The following OBP2B variants were observed in gnomAD, a reference collection of about 807,000 sequenced individuals.
OBP2B encodes odorant binding protein 2B.
A neutral mutation model predicts 21.7 loss-of-function variants in OBP2B; 10 were observed. The ratio of observed to expected loss-of-function variants is 0.46; its 90% CI spans 0.28 to 0.78. OBP2B has a LOEUF of 0.78. Ranked by LOEUF, OBP2B falls within the 30% of genes least tolerant of loss-of-function variation. The pLI is 0.11. For synonymous variants in OBP2B, 73 were observed against 91.5 expected, an observed-to-expected ratio of 0.80 and a Z score of 1.16; for missense variants, 153 against 217.7, an observed-to-expected ratio of 0.70 and a Z score of 1.87.
the OBP2B span, among the ~76,000 whole-genome samples, chr9:133,223,111 T>G: frequency 0.83 from 126,116 of 151,538 alleles, 53,198 homozygotes; most frequent in African/African-American, 0.92. This position sits in a 1 kb window ranked among gnomAD's most constrained non-coding sequence, Gnocchi z 4.4. Context: ...GCTTGAGCGG[T>G]AGAGCAGCTC....
chr9:133,217,391 G>A, the OBP2B span, among the ~76,000 whole-genome samples: 11 of 152,228 alleles, frequency 7.2e-5, no homozygotes, highest in Non-Finnish European at 1.5e-4. Flanking sequence ...CTTCTCTTGT[G>A]CACCTGGTGC....
chr9:133,207,854 C>T, intron 3 of OBP2B: 1 of 1,511,718 alleles, frequency 6.6e-7, no homozygotes, highest in Non-Finnish European at 8.8e-7. Flanking sequence ...TCCTTGGCCT[C>T]CTTGTCCCAA....
At chr9:133,219,269 A>C in the OBP2B span, among the ~76,000 whole-genome samples, 1 of 152,372 alleles carries the variant, frequency 6.6e-6, no homozygotes, top group East Asian at 1.9e-4. Context: ...GACAAATTGG[A>C]CTTCATCAAA....
At chr9:133,207,191 G>A in intron 4 of OBP2B, 35 bp downstream of exon 4, 1 of 1,414,712 alleles carries the variant, frequency 7.1e-7, no homozygotes, top group Non-Finnish European at 1.0e-6. Context: ...CAGAGACCGT[G>A]GGGCAGGACA....
chr9:133,223,045 C>T, the OBP2B span, among the ~76,000 whole-genome samples: 2 of 152,172 alleles, frequency 1.3e-5, no homozygotes, highest in East Asian at 3.8e-4. This position sits in a 1 kb window ranked among gnomAD's most constrained non-coding sequence, Gnocchi z 4.4. Context: ...CTTTAACTAG[C>T]ATTCAGCTTG....
chr9:133,210,347 AT>A (rs1309433510), upstream of OBP2B, among the ~76,000 whole-genome samples: 16 of 152,184 alleles, frequency 1.1e-4, no homozygotes, highest in Non-Finnish European at 2.2e-4. Flanking sequence ...TTACTCAATA[AT>A]ACTAATGCAC....
intron 5 of OBP2B, 82 bp from the exon 6 acceptor site, chr9:133,206,022 C>A: frequency 1.3e-6 from 2 of 1,587,164 alleles, no homozygotes; most frequent in South Asian, 1.1e-5. Flanking sequence ...GAGCTCAGAG[C>A]CCCAGAGCCC....
rs3174149 is a variant in OBP2B, at chr9:133,207,294, C to T, written c.320G>A (p.Arg107Lys). The change falls in exon 4 of 7, where the codon AGG becomes AAG. Residue 107 changes from arginine to lysine, a missense_variant. Physicochemically the swap from Arg to Lys is conservative, Grantham distance 26. Transcript: ENST00000372034. Reference protein sequence around the residue: ...KLMYLQELPRRDHYIFYCKDQ... With the variant: ...KLMYLQELPRKDHYIFYCKDQ... ...TTTGCAGTAAAAGATGTAGTGGTCC[C>T]TCCTGGGCAGCTCCTGCAGGTACAT... 4 of 1,613,884 alleles carry T rather than the reference C, an allele frequency of 2.5e-6. No individual in the cohort carries two copies. Among genetic ancestry groups the T allele is most frequent in the Non-Finnish European group, 3.4e-6 (4 of 1,179,856 alleles).
upstream of OBP2B, among the ~76,000 whole-genome samples, chr9:133,210,446 C>T (rs1208613008): frequency 6.6e-6 from 1 of 152,012 alleles, no homozygotes. Flanking sequence ...GAGCAGAAAC[C>T]CCCCACCCTC....
rs1389432493 is a variant in OBP2B at position 133,208,450 on chromosome 9, T to C, written c.206+19A>G. On this transcript the variant is annotated intron_variant, in intron 2 of 6. Transcript: ENST00000372034. ...GGAGCGAAAGTGGCCTGAGGGGCCC[T>C]GCAGTGGGCAACACTCACATGAAGG... The C allele has an allele frequency of 3.8e-5, 62 of 1,611,350 alleles. No homozygotes were observed. Among genetic ancestry groups the C allele is most frequent in the Non-Finnish European group, 5.1e-5 (60 of 1,178,346 alleles).
upstream of OBP2B, among the ~76,000 whole-genome samples, chr9:133,212,221 A>G (rs1367887523): frequency 3.3e-5 from 5 of 152,252 alleles, no homozygotes; most frequent in African/African-American, 1.2e-4. Flanking sequence ...GAGAAATTTA[A>G]AAAGCCACAA....
At chr9:133,212,619 G>C (rs1833927570), upstream of OBP2B, among the ~76,000 whole-genome samples, 1 of 152,154 alleles carries the variant, frequency 6.6e-6, no homozygotes, top group Non-Finnish European at 1.5e-5. Flanking sequence ...AAATATACTA[G>C]GCTGGATGAA....
intron 5 of OBP2B, 75 bp from the exon 6 acceptor site, chr9:133,206,015 C>T: frequency 6.2e-7 from 1 of 1,609,706 alleles, no homozygotes; most frequent in Non-Finnish European, 8.5e-7. Context: ...CAGCCCAGAG[C>T]TCAGAGCCCC....
chr9:133,221,755 G>A, the OBP2B span, among the ~76,000 whole-genome samples: 1 of 152,112 alleles, frequency 6.6e-6, no homozygotes. Flanking sequence ...TTAATAGTGT[G>A]GATTGCATGG....
chr9:133,215,167 C>G, the OBP2B span, among the ~76,000 whole-genome samples: 1 of 152,126 alleles, frequency 6.6e-6, no homozygotes, highest in Non-Finnish European at 1.5e-5. Context: ...CACAATACTA[C>G]TTATAGTGGC....
the OBP2B span, among the ~76,000 whole-genome samples, chr9:133,220,765 G>A: frequency 1.5e-4 from 23 of 152,242 alleles, no homozygotes; most frequent in Non-Finnish European, 2.5e-4. Flanking sequence ...AAGGATCTGA[G>A]ATGAACAATT....
chr9:133,222,032 G>A, the OBP2B span, among the ~76,000 whole-genome samples: 134 of 152,270 alleles, frequency 8.8e-4, 1 homozygote, highest in African/African-American at 3.0e-3. Context: ...ATCTTACCCC[G>A]AGGCAGTTGT....
Position 133,205,990 on chromosome 9 carries a change from G to A in OBP2B, c.491-50C>T, listed in dbSNP as rs186671119. 836 of 1,610,302 alleles carry A rather than the reference G, an allele frequency of 5.2e-4. 4 individuals carry two copies. The highest frequency in any genetic ancestry group is 1.5e-3 in the Admixed American group (91 of 59,928). On this transcript the variant is annotated intron_variant, in intron 5 of 6. Coordinates refer to ENST00000372034, the MANE Select transcript of OBP2B (RefSeq NM_014581.4). Reference sequence around the variant, plus strand: ...GGATTAGAAGGCGCCCTAGACCAGGGCCCAGACCCCATCGCAGCCCAGAGC... The same window carrying A: ...GGATTAGAAGGCGCCCTAGACCAGGACCCAGACCCCATCGCAGCCCAGAGC...
At position 133,207,343 on chromosome 9, in the gene OBP2B, A is replaced by G. The variant is rs1462765070; in HGVS notation, c.278-7T>C. On this transcript the variant is annotated splice_polypyrimidine_tract_variant and splice_region_variant and intron_variant, in intron 3 of 6. Transcript: ENST00000372034. Reference sequence around the variant, plus strand: ...ATGAGCTTCCTGCCCCCATCTGTAGATGACAGAGAAAATGGGTCATTCCCA... The same window carrying G: ...ATGAGCTTCCTGCCCCCATCTGTAGGTGACAGAGAAAATGGGTCATTCCCA... 5 of 1,582,564 alleles carry G rather than the reference A, an allele frequency of 3.2e-6. No individual in the cohort carries two copies. Among genetic ancestry groups the G allele is most frequent in the African/African-American group, 2.7e-5 (2 of 74,200 alleles).
Sources: allele counts gnomAD v4.1 joint callset (sites outside exome capture counted in the v4.1 genomes callset), GRCh38; gene constraint gnomAD v4.1.1; non-coding constraint Gnocchi (gnomAD v3.1); transcripts MANE v1.5; gene names NCBI Gene and HGNC (gene_info 2026-07-23, HGNC 2026-07-21).